The following TRIB2 variants were observed in gnomAD, a reference collection of about 807,000 sequenced individuals.
TRIB2 encodes the protein tribbles homolog 2.
A neutral mutation model predicts 26.8 loss-of-function variants in TRIB2; 2 were observed. The ratio of observed to expected loss-of-function variants is 0.07; its 90% CI spans 0.03 to 0.24. The LOEUF is 0.24. TRIB2 is among the 10% of genes least tolerant of loss of function. TRIB2 has a pLI of 1.00. For missense variants in TRIB2, 306 were observed against 449.0 expected (o/e 0.68, Z 2.88); for synonymous variants, 189 against 187.3 (o/e 1.01, Z -0.08).
chr2:12,739,853 G>A (rs559397664), intron 2 of TRIB2, among the ~76,000 whole-genome samples: 1 of 152,306 alleles, frequency 6.6e-6, no homozygotes, highest in Non-Finnish European at 1.5e-5. Flanking sequence ...TAAGGTGAAA[G>A]GTCTTTGTGG....
At chr2:12,730,335 C>A (rs1661427169) in intron 2 of TRIB2, among the ~76,000 whole-genome samples, 2 of 152,178 alleles carry the variant, frequency 1.3e-5, no homozygotes, top group Non-Finnish European at 2.9e-5. Context: ...GGGTTGGTAC[C>A]CAGGCCCCTG....
Position 12,717,586 on chromosome 2 carries a change from T to A in TRIB2, c.-722T>A, listed in dbSNP as rs1666620282. On this transcript the variant is annotated 5_prime_UTR_variant, in exon 1 of 3. Coordinates refer to ENST00000155926, the MANE Select transcript of TRIB2 (RefSeq NM_021643.4). The surrounding 1 kb of genome is among the most constrained non-coding windows in gnomAD (Gnocchi z 4.8). ...GTTGGCAGCGCTGACCGCACCAAGT[T>A]AAATGCTCCCTTGCAATTTTTCTTT... 1 of 397,868 alleles carries A rather than the reference T, an allele frequency of 2.5e-6. No individual in the cohort carries two copies. 24.6% of individuals were successfully genotyped at this position (397,868 alleles called of 1,614,324 possible). A position where few individuals can be genotyped will look rare whatever the true frequency, so the allele number is the denominator to read the frequency against.
chr2:12,724,686 T>A, intron 2 of TRIB2: 1 of 1,612,942 alleles, frequency 6.2e-7, no homozygotes, highest in Non-Finnish European at 8.5e-7. Flanking sequence ...CGATACCCTC[T>A]GTGATCTTGG....
intron 2 of TRIB2, among the ~76,000 whole-genome samples, chr2:12,729,046 G>A (rs1661394911): frequency 6.6e-6 from 1 of 152,052 alleles, no homozygotes; most frequent in Non-Finnish European, 1.5e-5. Flanking sequence ...TTTCGTTTTT[G>A]CTTTGAAGGA....
At chr2:12,729,180 T>C (rs1219021562) in intron 2 of TRIB2, among the ~76,000 whole-genome samples, 2 of 152,162 alleles carry the variant, frequency 1.3e-5, no homozygotes, top group African/African-American at 2.4e-5. Flanking sequence ...CTCTCTCCCA[T>C]AGCACTCCCT....
At position 12,740,314 on chromosome 2, in the gene TRIB2, CCTTT is replaced by C. The variant is rs1225340562; in HGVS notation, c.564-8_564-5del. 4 of 1,610,076 alleles carry C rather than the reference CCTTT, an allele frequency of 2.5e-6. No homozygotes were observed. The African/African-American group carries it at 4.0e-5, about 16-fold the overall frequency. On this transcript the variant is annotated splice_region_variant and splice_polypyrimidine_tract_variant and intron_variant, in intron 2 of 2. Transcript: ENST00000155926. This position sits in a 1 kb window ranked among gnomAD's most constrained non-coding sequence, Gnocchi z 5.8. Reference sequence around the variant, plus strand: ...CACCCTCAGGAGCTTATGTTTTCCTCCTTTCTTGCAGGACTCGGGTCAAGCTGGA... The same window carrying C: ...CACCCTCAGGAGCTTATGTTTTCCTCCTTGCAGGACTCGGGTCAAGCTGGA...
rs1042296480 is a variant in TRIB2 at position 12,718,280 on chromosome 2, T to C, written c.-28T>C. ...ACTCATCTCTCCAGCGGGTTTTTTT[T>C]TGTTTGTCGTGTGCGATCCTCACAC... On this transcript the variant is annotated 5_prime_UTR_variant, in exon 1 of 3. Transcript: ENST00000155926. The surrounding 1 kb of genome is among the most constrained non-coding windows in gnomAD (Gnocchi z 4.0). 2 of 1,590,844 alleles carry C rather than the reference T, an allele frequency of 1.3e-6. No homozygotes were observed. Among genetic ancestry groups the C allele is most frequent in the South Asian group, 2.3e-5 (2 of 88,272 alleles).
chr2:12,720,758 A>G (rs1363059174), intron 1 of TRIB2, among the ~76,000 whole-genome samples: 2 of 152,208 alleles, frequency 1.3e-5, no homozygotes, highest in East Asian at 3.8e-4. Flanking sequence ...GGAGGAATAG[A>G]GATTCCAGAG....
chr2:12,720,185 C>T (rs1661170793), intron 1 of TRIB2, among the ~76,000 whole-genome samples: 1 of 152,230 alleles, frequency 6.6e-6, no homozygotes, highest in African/African-American at 2.4e-5. Context: ...TCAGAGGTGA[C>T]TCTGGCCTCT....
At chr2:12,738,106 A>G (rs1231733118) in intron 2 of TRIB2, among the ~76,000 whole-genome samples, 1 of 152,228 alleles carries the variant, frequency 6.6e-6, no homozygotes, top group Non-Finnish European at 1.5e-5. Flanking sequence ...CATTAGAGTC[A>G]ACCCAGGATT....
Position 12,740,774 on chromosome 2 carries a change from T to G in TRIB2, c.1012T>G (p.Leu338Val), listed in dbSNP as rs1396747166. ...LVPDVNMEEN[L>V]DPFFN ...GCCGGACGTCAACATGGAAGAGAAC[T>G]TGGACCCTTTCTTTAACTGAGCTCA... Residue 338 changes from leucine to valine, a missense_variant, in exon 3 of 3, where the codon TTG becomes GTG. Leu to Val is a conservative substitution (Grantham distance 32). Transcript: ENST00000155926. This position sits in a 1 kb window ranked among gnomAD's most constrained non-coding sequence, Gnocchi z 5.8. 6.2e-7 allele frequency: 1 copy of G among 1,613,884 alleles called. No individual in the cohort carries two copies. Among genetic ancestry groups the G allele is most frequent in the African/African-American group, 1.3e-5 (1 of 75,052 alleles).
At chr2:12,725,452 A>G (rs1342574411) in intron 2 of TRIB2, among the ~76,000 whole-genome samples, 1 of 152,214 alleles carries the variant, frequency 6.6e-6, no homozygotes, top group Non-Finnish European at 1.5e-5. Context: ...GCACACAGCT[A>G]GCTAGGAGCC....
rs189388460 is a variant in TRIB2, at chr2:12,736,800, T to C, written c.564-3526T>C. 3.2e-3 allele frequency among the ~76,000 whole-genome samples: 484 copies of C among 152,286 alleles called. 1 individual carries two copies. Among genetic ancestry groups the C allele is most frequent in the African/African-American group, 0.011 (462 of 41,536 alleles). ...GGGAAGTGAGGTGATCATCCCAAAA[T>C]GATCACCATAATGATACATAGTAAA... is the stretch of plus-strand genomic sequence containing the variant. On this transcript the variant is annotated intron_variant, in intron 2 of 2. Coordinates refer to ENST00000155926, the MANE Select transcript of TRIB2 (RefSeq NM_021643.4).
chr2:12,731,377 G>T lies in TRIB2; in HGVS notation c.563+7825G>T, dbSNP rs556245315. On this transcript the variant is annotated intron_variant, in intron 2 of 2. Coordinates refer to ENST00000155926, the MANE Select transcript of TRIB2 (RefSeq NM_021643.4). ...AAGACACACCCCTCACCTCCAACTT[G>T]ACCTGAAGCCCAGAAGGAACCATTG... Among the ~76,000 whole-genome samples, 26 of 152,280 alleles carry T rather than the reference G, an allele frequency of 1.7e-4. No homozygotes were observed. In the South Asian group the frequency reaches 1.9e-3, roughly 11 times the overall value.
Position 12,740,904 on chromosome 2 carries a change from C to T in TRIB2, c.*110C>T, listed in dbSNP as rs1450158814. On this transcript the variant is annotated 3_prime_UTR_variant, in exon 3 of 3. Transcript: ENST00000155926. The surrounding 1 kb of genome is among the most constrained non-coding windows in gnomAD (Gnocchi z 5.8). ...GGCTGAGTAGCAAGAAAGACACACT[C>T]TTAAGTTTCTTGGTTCAGAGCAGGA... is the stretch of plus-strand genomic sequence containing the variant. The T allele has an allele frequency of 1.7e-5, 18 of 1,043,814 alleles. No homozygotes were observed. Among genetic ancestry groups the T allele is most frequent in the East Asian group, 2.5e-5 (1 of 40,120 alleles). The allele number at this position is 1,043,814 out of a possible 1,614,324, so 64.7% of individuals were successfully genotyped here.
chr2:12,738,901 G>T (rs535092933), intron 2 of TRIB2, among the ~76,000 whole-genome samples: 1 of 152,184 alleles, frequency 6.6e-6, no homozygotes, highest in East Asian at 1.9e-4. Flanking sequence ...GATGACATCA[G>T]ATCTTACTGT....
intron 2 of TRIB2, among the ~76,000 whole-genome samples, chr2:12,734,109 C>T (rs1002820301): frequency 6.6e-6 from 1 of 152,178 alleles, no homozygotes; most frequent in African/African-American, 2.4e-5. Flanking sequence ...CTATGCCAGG[C>T]ACAGTTTGCA....
At position 12,742,269 on chromosome 2, in the gene TRIB2, T is replaced by C. The variant is rs1661725278; in HGVS notation, c.*1475T>C. The C allele has an allele frequency of 6.6e-6, 1 of 152,640 alleles. No individual in the cohort carries two copies. Among genetic ancestry groups the C allele is most frequent in the Non-Finnish European group, 1.5e-5 (1 of 68,040 alleles). The allele number at this position is 152,640 out of a possible 1,614,324, so 9.5% of individuals were successfully genotyped here. On this transcript the variant is annotated 3_prime_UTR_variant, in exon 3 of 3. Transcript: ENST00000155926. ...TCACTTGTTCGGATTTGACTGCCTG[T>C]ATATGTTTTGTGAAATGGTCCTGTT...
chr2:12,736,561 A>T (rs1572485096), intron 2 of TRIB2, among the ~76,000 whole-genome samples: 1 of 152,190 alleles, frequency 6.6e-6, no homozygotes, highest in Admixed American at 6.5e-5. Context: ...AACCCTGGCC[A>T]GGTAGGCAGA....
Sources: gnomAD v4.1 joint callset for allele counts (sites outside exome capture counted in the v4.1 genomes callset) on GRCh38, gnomAD v4.1.1 for gene constraint, Gnocchi (gnomAD v3.1) non-coding constraint, MANE v1.5 for transcripts, NCBI Gene and HGNC (gene_info 2026-07-23, HGNC 2026-07-21) for gene names.